The following UPF1 variants were observed in gnomAD, a reference collection of about 807,000 sequenced individuals.
The protein encoded by UPF1 is UPF1 RNA helicase and ATPase.
A neutral mutation model predicts 129.2 loss-of-function variants in UPF1; 9 were observed. The observed-to-expected ratio is 0.07, with a 90% CI of 0.04 to 0.12. The LOEUF (loss-of-function observed/expected upper bound fraction) is 0.12. UPF1 is among the 10% of genes least tolerant of loss of function. UPF1 has a pLI of 1.00. For synonymous variants in UPF1, 649 were observed against 644.9 expected (o/e 1.01, Z -0.10); for missense variants, 788 against 1,525.3 (o/e 0.52, Z 8.05).
At position 18,857,246 on chromosome 19, in the gene UPF1, A is replaced by C. The variant is rs555432688; in HGVS notation, c.1969-74A>C. On this transcript the variant is annotated intron_variant, in intron 14 of 23. Transcript: ENST00000262803. ...GTGTCCTGTGCATCCTGGGGCCCCTACTTCCTTGCTAGTGTGTGTTGAGGC... is the reference window on the plus strand; with the variant it reads ...GTGTCCTGTGCATCCTGGGGCCCCTCCTTCCTTGCTAGTGTGTGTTGAGGC... 8.5e-6 allele frequency: 13 copies of C among 1,529,880 alleles called. No homozygotes were observed. The African/African-American group carries it at 1.2e-4, about 15-fold the overall frequency. The allele number at this position is 1,529,880 out of a possible 1,614,324, so 94.8% of individuals were successfully genotyped here.
chr19:18,857,599 G>T, intron 15 of UPF1, 66 bp downstream of exon 15: 6 of 1,480,548 alleles, frequency 4.1e-6, no homozygotes, highest in Non-Finnish European at 5.4e-6. Flanking sequence ...TGTGGACTGG[G>T]GAGAAGGAAC....
Position 18,851,664 on chromosome 19 carries a change from G to T in UPF1, c.811-471G>T, listed in dbSNP as rs186360357. Among the ~76,000 whole-genome samples, 430 of 152,358 alleles carry T rather than the reference G, an allele frequency of 2.8e-3. No individual in the cohort carries two copies. Among genetic ancestry groups the T allele is most frequent in the South Asian group, 3.9e-3 (19 of 4,826 alleles). On this transcript the variant is annotated intron_variant, in intron 5 of 23. Coordinates refer to ENST00000262803, the MANE Select transcript of UPF1 (RefSeq NM_002911.4). The surrounding 1 kb of genome is among the most constrained non-coding windows in gnomAD (Gnocchi z 4.2). ...TGCGGGCCCATGTTGGTCTGGCTCAGGGTTAGCAGACGTGGGAGACAGGCC... is the reference window on the plus strand; with the variant it reads ...TGCGGGCCCATGTTGGTCTGGCTCATGGTTAGCAGACGTGGGAGACAGGCC...
Position 18,865,527 on chromosome 19 carries a change from C to T in UPF1, c.3020-34C>T. ...GTGTGCTTGTCTGCGAGGCCCTGGC[C>T]TCCTTCGGATCACCCTGGACTGCTG... On this transcript the variant is annotated intron_variant, in intron 21 of 23. Transcript: ENST00000262803. The surrounding 1 kb of genome is among the most constrained non-coding windows in gnomAD (Gnocchi z 6.1). 1 of 1,613,290 alleles carries T rather than the reference C, an allele frequency of 6.2e-7. No homozygotes were observed. The highest frequency in any genetic ancestry group is 8.5e-7 in the Non-Finnish European group (1 of 1,179,578).
chr19:18,857,577 G>A, intron 15 of UPF1, 44 bp downstream of exon 15: 2 of 1,529,076 alleles, frequency 1.3e-6, no homozygotes, highest in South Asian at 1.2e-5. Context: ...CAGAGAAGCG[G>A]CATCAAGGGA....
In UPF1 at chr19:18,853,749, C is replaced by T. The variant is rs1300857929; in HGVS notation, c.1156+399C>T. The stretch of plus-strand genomic sequence containing the variant: ...CAGAAGCCAGTGGTCACATGCAGAC[C>T]CTCTGAGCACACACTTGCTCCCAGG... On this transcript the variant is annotated intron_variant, in intron 8 of 23. Coordinates refer to ENST00000262803, the MANE Select transcript of UPF1 (RefSeq NM_002911.4). The surrounding 1 kb of genome is among the most constrained non-coding windows in gnomAD (Gnocchi z 4.4). Among the ~76,000 whole-genome samples, 1 of 152,200 alleles carries T rather than the reference C, an allele frequency of 6.6e-6. No homozygotes were observed. Among genetic ancestry groups the T allele is most frequent in the African/African-American group, 2.4e-5 (1 of 41,452 alleles).
rs1365707041 is a variant in UPF1 at position 18,865,902 on chromosome 19, T to C, written c.3237+124T>C. The C allele has an allele frequency of 6.4e-7, 1 of 1,571,482 alleles. No homozygotes were observed. Among genetic ancestry groups the C allele is most frequent in the Non-Finnish European group, 8.6e-7 (1 of 1,158,252 alleles). On this transcript the variant is annotated intron_variant, in intron 22 of 23. Coordinates refer to ENST00000262803, the MANE Select transcript of UPF1 (RefSeq NM_002911.4). This position sits in a 1 kb window ranked among gnomAD's most constrained non-coding sequence, Gnocchi z 6.1. ...GTCCACTGTCTGAATTACCTGTCCC[T>C]GGGCTGGGGTCATCAGAGTGGGTCT...
In UPF1 at chr19:18,865,495, CTT is replaced by C. The variant is rs777024500; in HGVS notation, c.3019+46_3019+47del. On this transcript the variant is annotated intron_variant, in intron 21 of 23. Transcript: ENST00000262803. The surrounding 1 kb of genome is among the most constrained non-coding windows in gnomAD (Gnocchi z 6.1). ...GCTGGGTGTGGCCCTCCTGAGAGCT[CTT>C]GAGGGTGTGCTTGTCTGCGAGGCCC... 6 of 1,612,322 alleles carry C rather than the reference CTT, an allele frequency of 3.7e-6. No individual in the cohort carries two copies. In the Middle Eastern group the frequency reaches 6.6e-4, roughly 177 times the overall value.
chr19:18,855,996 T>A lies in UPF1; in HGVS notation c.1616T>A (p.Leu539Gln). ...ACGGAGAAGATCCACCAGACGGGGC[T>A]AAAGGTCGTGCGCCTCTGCGCCAAG... ...QLTEKIHQTGLKVVRLCAKSR... is the reference protein window; with the variant it reads ...QLTEKIHQTGQKVVRLCAKSR... Residue 539 changes from leucine to glutamine, a missense_variant, in exon 12 of 24, where the codon CTA (leucine) becomes CAA (glutamine). Around this residue, in one of 6 missense-constraint regions of UPF1, gnomAD observed 91 missense variants for 157.2 expected, o/e 0.58. Transcript: ENST00000262803. The A allele has an allele frequency of 1.9e-6, 3 of 1,613,990 alleles. No individual in the cohort carries two copies. Among genetic ancestry groups the A allele is most frequent in the Non-Finnish European group, 2.5e-6 (3 of 1,180,030 alleles).
At chr19:18,849,658 G>A (rs1047473491) in intron 3 of UPF1, among the ~76,000 whole-genome samples, 5 of 152,224 alleles carry the variant, frequency 3.3e-5, no homozygotes, top group African/African-American at 1.2e-4. Context: ...CAGGGCCTCT[G>A]AGGAGTGATT....
rs1403602681 is a variant in UPF1 at position 18,856,929 on chromosome 19, C to T, written c.1877C>T (p.Ala626Val). ...GTGGGCGCCGGTGACCCGAGGCTGG[C>T]CAAGATGCAGTTCCGCTCCATTTTA... Reference protein sequence around the residue: ...TCVGAGDPRLAKMQFRSILID... With the variant: ...TCVGAGDPRLVKMQFRSILID... The change falls in exon 14 of 24, where the codon GCC (alanine) becomes GTC (valine). Residue 626 changes from alanine (A) to valine (V), a missense_variant. Ala to Val is a moderately conservative substitution (Grantham distance 64). Coordinates refer to ENST00000262803, the MANE Select transcript of UPF1 (RefSeq NM_002911.4). The T allele has an allele frequency of 1.2e-6, 2 of 1,612,368 alleles. No individual in the cohort carries two copies. Among genetic ancestry groups the T allele is most frequent in the Non-Finnish European group, 1.7e-6 (2 of 1,180,004 alleles).
rs534900458 is a variant in UPF1, at chr19:18,860,733, G to A, written c.2301-93G>A. The A allele has an allele frequency of 1.4e-5, 22 of 1,524,448 alleles. 1 individual carries two copies. The East Asian group carries it at 3.7e-4, about 26-fold the overall frequency. The allele number at this position is 1,524,448 out of a possible 1,614,324, so 94.4% of individuals were successfully genotyped here. Reference sequence around the variant, plus strand: ...CGCCAGTGATGGCAGCTGCCTTCCCGCAGGGTGTTGTGTCTGCACCCCTCA... The same window carrying A: ...CGCCAGTGATGGCAGCTGCCTTCCCACAGGGTGTTGTGTCTGCACCCCTCA... On this transcript the variant is annotated intron_variant, in intron 16 of 23. Transcript: ENST00000262803.
At chr19:18,837,112 CAA>C (rs1368617813) in intron 1 of UPF1, among the ~76,000 whole-genome samples, 2 of 151,884 alleles carry the variant, frequency 1.3e-5, no homozygotes, top group Admixed American at 6.6e-5. Flanking sequence ...TGTTTTAAGG[CAA>C]AGTCTCATTC....
chr19:18,865,612 G>A lies in UPF1; in HGVS notation c.3071G>A (p.Arg1024His), dbSNP rs1234132463. 3.7e-6 allele frequency: 6 copies of A among 1,613,846 alleles called. No individual in the cohort carries two copies. In the South Asian group the frequency reaches 4.4e-5, roughly 12 times the overall value. Residue 1024 changes from arginine to histidine, a missense_variant, in exon 22 of 24, where the codon CGC becomes CAC. By Grantham distance (29) the Arg-to-His change is conservative. This residue lies in a region of UPF1 where 218 missense variants were observed against 318.1 expected (regional missense o/e 0.69). Coordinates refer to ENST00000262803, the MANE Select transcript of UPF1 (RefSeq NM_002911.4). This position sits in a 1 kb window ranked among gnomAD's most constrained non-coding sequence, Gnocchi z 6.1. ...KTGRGGRQKN[R>H]FGLPGPSQTN... ...GGTCGTGGGGGACGCCAGAAGAACCGCTTTGGGCTTCCTGGACCCAGCCAG... is the reference window on the plus strand; with the variant it reads ...GGTCGTGGGGGACGCCAGAAGAACCACTTTGGGCTTCCTGGACCCAGCCAG...
chr19:18,863,226 G>GA, intron 18 of UPF1: 1 of 580,128 alleles, frequency 1.7e-6, no homozygotes, highest in Non-Finnish European at 3.0e-6. Context: ...GGGCTGCTTA[G>GA]AGTCGGCCAC....
chr19:18,854,657 G>A lies in UPF1; in HGVS notation c.1213G>A (p.Val405Met), dbSNP rs2055696000. ...LRSSVGAPVE[V>M]THNFQVDFVW... The stretch of plus-strand genomic sequence containing the variant: ...GAGCAGCGTGGGTGCACCTGTGGAG[G>A]TGACTCACAACTTCCAGGTGGATTT... Residue 405 changes from valine to methionine, a missense_variant, in exon 9 of 24, where the codon GTG (valine) becomes ATG (methionine). Transcript: ENST00000262803. The A allele has an allele frequency of 2.5e-6, 4 of 1,614,152 alleles. No individual in the cohort carries two copies. The highest frequency in any genetic ancestry group is 3.4e-6 in the Non-Finnish European group (4 of 1,180,032).
chr19:18,859,066 A>T (rs1207012915), intron 15 of UPF1, among the ~76,000 whole-genome samples: 1 of 152,110 alleles, frequency 6.6e-6, no homozygotes, highest in East Asian at 1.9e-4. Flanking sequence ...AGGTCTTGGG[A>T]GTTGATGCCA....
In UPF1 at chr19:18,857,337, C is replaced by T. The variant is rs1282002086; in HGVS notation, c.1986C>T (p.Asp662=). ...LGAKQLILVG[D]HCQLGPVVMC... ...TCCTACAGCTGATCCTTGTAGGCGA[C>T]CACTGCCAGCTGGGCCCAGTGGTGA... Residue 662 remains aspartate (D), a synonymous_variant, in exon 15 of 24, where the codon GAC becomes GAT. Coordinates refer to ENST00000262803, the MANE Select transcript of UPF1 (RefSeq NM_002911.4). The T allele has an allele frequency of 2.5e-6, 4 of 1,612,512 alleles. No homozygotes were observed. Among genetic ancestry groups the T allele is most frequent in the Admixed American group, 3.3e-5 (2 of 59,862 alleles).
At position 18,856,984 on chromosome 19, in the gene UPF1, G is replaced by A. The variant is rs377256606; in HGVS notation, c.1932G>A (p.Pro644=). Reference sequence around the variant, plus strand: ...ACGAAAGCACCCAGGCCACCGAGCCGGAGTGCATGGTTCCCGTGGTCCTCG... The same window carrying A: ...ACGAAAGCACCCAGGCCACCGAGCCAGAGTGCATGGTTCCCGTGGTCCTCG... ...LIDESTQATE[P]ECMVPVVLGA... Residue 644 remains proline, a synonymous_variant, in exon 14 of 24, where the codon CCG becomes CCA. Transcript: ENST00000262803. 116 of 1,612,836 alleles carry A rather than the reference G, an allele frequency of 7.2e-5. No individual in the cohort carries two copies. Among genetic ancestry groups the A allele is most frequent in the Admixed American group, 1.0e-4 (6 of 60,012 alleles).
intron 6 of UPF1, 112 bp from the exon 7 acceptor site, chr19:18,852,875 C>G: frequency 6.9e-6 from 6 of 875,638 alleles, no homozygotes; most frequent in Non-Finnish European, 1.1e-5. Flanking sequence ...GGCGCCTGCT[C>G]TCACGGCAGA....
Sources: allele counts gnomAD v4.1 joint callset (sites outside exome capture counted in the v4.1 genomes callset), GRCh38; gene constraint gnomAD v4.1.1; regional missense constraint gnomAD v4.1.1; non-coding constraint Gnocchi (gnomAD v3.1); transcripts MANE v1.5; gene names NCBI Gene and HGNC (gene_info 2026-07-23, HGNC 2026-07-21).